Variants in ADARB1 observed in about 807,000 individuals in gnomAD.
ADARB1 encodes adenosine deaminase RNA specific B1, also known as double-stranded RNA-specific editase 1.
ADARB1 carries 10 observed loss-of-function variants against 52.4 expected under a neutral mutation model. The ratio of observed to expected loss-of-function variants is 0.19; its 90% CI spans 0.12 to 0.32. The LOEUF (loss-of-function observed/expected upper bound fraction) is 0.32, where lower values mean the gene tolerates loss of function less well. ADARB1 is among the 10% of genes least tolerant of loss of function. The pLI is 1.00. For synonymous variants in ADARB1, 349 were observed against 371.1 expected (o/e 0.94, Z 0.68); for missense variants, 643 against 922.3 (o/e 0.70, Z 3.92).
In ADARB1 at chr21:45,204,180, C is replaced by T. The variant is rs577736017; in HGVS notation, c.1566-375C>T. On this transcript the variant is annotated intron_variant, in intron 8 of 10. Transcript: ENST00000348831. The surrounding 1 kb of genome is among the most constrained non-coding windows in gnomAD (Gnocchi z 4.4). The stretch of plus-strand genomic sequence containing the variant: ...TCTGGAATTTTTCATTTAATATCTT[C>T]AGATCACGGTTGACAGTGAGTAACT... 6.6e-6 allele frequency among the ~76,000 whole-genome samples: 1 copy of T among 152,318 alleles called. No individual in the cohort carries two copies. The highest frequency in any genetic ancestry group is 2.4e-5 in the African/African-American group (1 of 41,566).
intron 1 of ADARB1, among the ~76,000 whole-genome samples, chr21:45,080,383 AG>A (rs1408806655): frequency 6.6e-6 from 1 of 152,224 alleles, no homozygotes; most frequent in Non-Finnish European, 1.5e-5. Flanking sequence ...TGAGAAGGTG[AG>A]AGGGAGGCAG....
intron 2 of ADARB1, among the ~76,000 whole-genome samples, chr21:45,163,580 G>A (rs1157770227): frequency 2.0e-5 from 3 of 151,632 alleles, no homozygotes; most frequent in Non-Finnish European, 4.4e-5. Context: ...GGCCCTCAAG[G>A]CCCCCCACTG....
At chr21:45,175,684 A>G (rs918713208) in intron 3 of ADARB1, 46 bp from the exon 4 acceptor site, 1 of 1,594,188 alleles carries the variant, frequency 6.3e-7, no homozygotes, top group Non-Finnish European at 8.6e-7. Flanking sequence ...CATTTACAAG[A>G]TCCTGCAACG....
rs563439832 is a variant in ADARB1 at position 45,176,877 on chromosome 21, G to A, written c.963+213G>A. 9.9e-5 allele frequency among the ~76,000 whole-genome samples: 15 copies of A among 152,092 alleles called. No individual in the cohort carries two copies. Among genetic ancestry groups the A allele is most frequent in the Non-Finnish European group, 2.1e-4 (14 of 68,026 alleles). On this transcript the variant is annotated intron_variant, in intron 4 of 10. Coordinates refer to ENST00000348831, the MANE Select transcript of ADARB1 (RefSeq NM_001112.4). The surrounding 1 kb of genome is among the most constrained non-coding windows in gnomAD (Gnocchi z 5.8). ...CATCCTAGTGCATGCTGGGTCTGTC[G>A]CAATGCAAGGCAGGGACACCTGAGA...
chr21:45,137,498 A>C (rs936576273), intron 2 of ADARB1, among the ~76,000 whole-genome samples: 1 of 152,016 alleles, frequency 6.6e-6, no homozygotes, highest in African/African-American at 2.4e-5. Flanking sequence ...GTGTGCCAGG[A>C]GCTTTGTGCT....
In ADARB1 at chr21:45,223,793, T is replaced by A; in HGVS notation, c.*1596T>A. On this transcript the variant is annotated 3_prime_UTR_variant, in exon 11 of 11. Transcript: ENST00000348831. ...CTTCGGCGGGGGGTGTGCCTCCTGA[T>A]GTCAGGAGCCCCATCCACGTGTGTC... The A allele has an allele frequency of 1.0e-6, 1 of 985,312 alleles. No individual in the cohort carries two copies. Among genetic ancestry groups the A allele is most frequent in the African/African-American group, 1.7e-5 (1 of 57,308 alleles). 61.0% of individuals were successfully genotyped at this position (985,312 alleles called of 1,614,324 possible). A position where few individuals can be genotyped will look rare whatever the true frequency, so the allele number is the denominator to read the frequency against.
intron 9 of ADARB1, among the ~76,000 whole-genome samples, chr21:45,210,525 GC>G (rs2092747158): frequency 1.3e-5 from 2 of 152,208 alleles, no homozygotes; most frequent in Admixed American, 6.5e-5. Flanking sequence ...TTCACTGACT[GC>G]CGTCCTCAGG....
At chr21:45,133,364 C>T (rs956137961) in intron 2 of ADARB1, among the ~76,000 whole-genome samples, 3 of 152,270 alleles carry the variant, frequency 2.0e-5, no homozygotes, top group Admixed American at 6.5e-5. Context: ...CCTCTCAAGG[C>T]GTATAGGCAG....
intron 1 of ADARB1, among the ~76,000 whole-genome samples, chr21:45,104,863 A>T (rs1377703344): frequency 6.6e-6 from 1 of 152,152 alleles, no homozygotes; most frequent in Non-Finnish European, 1.5e-5. Context: ...AGGGGTCTAG[A>T]TGTTTATGAC....
rs2088763554 is a variant in ADARB1 at position 45,128,905 on chromosome 21, T to C, written c.-48+332T>C. 6.6e-6 allele frequency among the ~76,000 whole-genome samples: 1 copy of C among 152,202 alleles called. No individual in the cohort carries two copies. The highest frequency in any genetic ancestry group is 1.5e-5 in the Non-Finnish European group (1 of 68,030). On this transcript the variant is annotated intron_variant, in intron 2 of 10. Coordinates refer to ENST00000348831, the MANE Select transcript of ADARB1 (RefSeq NM_001112.4). The surrounding 1 kb of genome is among the most constrained non-coding windows in gnomAD (Gnocchi z 4.6). ...TGAGTCAGTGCTTCATGCCGGGCAC[T>C]AGACTTGGTGAAAGCCTTTTACCAT...
In ADARB1 at chr21:45,224,926, T is replaced by C. The variant is rs1388761510; in HGVS notation, c.*2729T>C. ...GCACTTTTAGACTATAGCTGTTTCA[T>C]TGACGTGTCACTCTCCATCCAGTGT... is the stretch of plus-strand genomic sequence containing the variant. On this transcript the variant is annotated 3_prime_UTR_variant, in exon 11 of 11. Transcript: ENST00000348831. 1 of 983,738 alleles carries C rather than the reference T, an allele frequency of 1.0e-6. No individual in the cohort carries two copies. The highest frequency in any genetic ancestry group is 1.8e-5 in the African/African-American group (1 of 55,710). The allele number at this position is 983,738 out of a possible 1,614,324, so 60.9% of individuals were successfully genotyped here. A position where few individuals can be genotyped will look rare whatever the true frequency, so the allele number is the denominator to read the frequency against.
intron 8 of ADARB1, among the ~76,000 whole-genome samples, chr21:45,202,954 G>A (rs13051236): frequency 0.52 from 75,222 of 145,930 alleles, 19,220 homozygotes; most frequent in South Asian, 0.58. Context: ...TGTGCTGAGC[G>A]TCTTCCCTTG....
At chr21:45,143,944 C>T (rs961469901) in intron 2 of ADARB1, among the ~76,000 whole-genome samples, 1 of 152,166 alleles carries the variant, frequency 6.6e-6, no homozygotes, top group Non-Finnish European at 1.5e-5. Flanking sequence ...TCCCCATTGT[C>T]AGTTGTCTTT....
rs1177378387 is a variant in ADARB1, at chr21:45,111,833, CTGATACA to C, written c.-219-16566_-219-16560del. 2.0e-5 allele frequency among the ~76,000 whole-genome samples: 3 copies of C among 152,142 alleles called. No homozygotes were observed. The East Asian group carries it at 5.8e-4, about 29-fold the overall frequency. Reference sequence around the variant, plus strand: ...TATAAGCAAAACTGTTCTGACCATACTGATACATGTGTTTTGGTAAAGAAGCACAGGT... The same window carrying C: ...TATAAGCAAAACTGTTCTGACCATACTGTGTTTTGGTAAAGAAGCACAGGT... On this transcript the variant is annotated intron_variant, in intron 1 of 10. Transcript: ENST00000348831.
chr21:45,093,358 C>T (rs990748727), intron 1 of ADARB1, among the ~76,000 whole-genome samples: 3 of 152,178 alleles, frequency 2.0e-5, no homozygotes, highest in African/African-American at 7.2e-5. Flanking sequence ...GAGGGCACAC[C>T]GGGCTTGGCT....
At chr21:45,101,924 G>T (rs1266973901) in intron 1 of ADARB1, among the ~76,000 whole-genome samples, 3 of 152,190 alleles carry the variant, frequency 2.0e-5, no homozygotes. Context: ...GTCTCACTCT[G>T]TTACTCAGGC....
At chr21:45,167,065 A>G (rs1601724356) in intron 2 of ADARB1, among the ~76,000 whole-genome samples, 1 of 152,242 alleles carries the variant, frequency 6.6e-6, no homozygotes, top group African/African-American at 2.4e-5. Flanking sequence ...AACCTTTGGT[A>G]CAAGAGTTGG....
In ADARB1 at chr21:45,220,543, C is replaced by T. The variant is rs1032878054; in HGVS notation, c.1748-293C>T. On this transcript the variant is annotated intron_variant, in intron 9 of 10. Coordinates refer to ENST00000348831, the MANE Select transcript of ADARB1 (RefSeq NM_001112.4). This position sits in a 1 kb window ranked among gnomAD's most constrained non-coding sequence, Gnocchi z 6.3. ...AGAAAAGACACACTTGTCAGGAAGT[C>T]TCATGATTTCAGGTTTCTGTCAATC... Among the ~76,000 whole-genome samples the T allele has an allele frequency of 1.3e-5, 2 of 152,208 alleles. No homozygotes were observed. The highest frequency in any genetic ancestry group is 1.3e-4 in the Admixed American group (2 of 15,290).
At position 45,150,050 on chromosome 21, in the gene ADARB1, A is replaced by G. The variant is rs146315242; in HGVS notation, c.-48+21477A>G. 5.0e-3 allele frequency among the ~76,000 whole-genome samples: 758 copies of G among 152,354 alleles called. 7 individuals carry two copies. Among genetic ancestry groups the G allele is most frequent in the African/African-American group, 0.017 (726 of 41,596 alleles). ...TGTAGTCCCAGCATTTTGGGAGGCC[A>G]AGGAGGGCGGTTCACCTGAGGTCGG... On this transcript the variant is annotated intron_variant, in intron 2 of 10. Transcript: ENST00000348831.
Sources: gnomAD v4.1 joint callset for allele counts (sites outside exome capture counted in the v4.1 genomes callset) on GRCh38, gnomAD v4.1.1 for gene constraint, Gnocchi (gnomAD v3.1) non-coding constraint, MANE v1.5 for transcripts, NCBI Gene and HGNC (gene_info 2026-07-23, HGNC 2026-07-21) for gene names.